Variants in SRGAP3 observed in about 807,000 individuals in gnomAD.
SRGAP3 encodes the protein SLIT-ROBO Rho GTPase activating protein 3, also known as SLIT-ROBO Rho GTPase-activating protein 3.
Under a neutral mutation model 121.1 loss-of-function variants are expected in SRGAP3, and 39 were observed. The ratio of observed to expected loss-of-function variants is 0.32; its 90% CI spans 0.25 to 0.42. SRGAP3 has a LOEUF of 0.42. SRGAP3 is among the 10% of genes least tolerant of loss of function. The probability of loss-of-function intolerance (pLI) is 1.00; values close to 1 mark genes in which losing one functional copy is unlikely to be tolerated. For missense variants in SRGAP3, 1,213 were observed against 1,470.6 expected (o/e 0.82, Z 2.86); for synonymous variants, 601 against 570.0 (o/e 1.05, Z -0.77).
intron 9 of SRGAP3, chr3:9,049,354 G>A (rs1945444364): frequency 2.2e-6 from 1 of 455,788 alleles, no homozygotes; most frequent in Admixed American, 2.4e-5. Context: ...TGGCCTATTG[G>A]CCATTAAGAG....
chr3:9,080,061 G>A lies in SRGAP3; in HGVS notation c.450C>T (p.His150=), dbSNP rs758077845. 9.9e-6 allele frequency: 16 copies of A among 1,613,656 alleles called. No homozygotes were observed. Among genetic ancestry groups the A allele is most frequent in the Admixed American group, 1.7e-5 (1 of 59,978 alleles). ...CATTGGTCACCTTCAGGAGCTCCTC[G>A]TGCATCTGCAGGCCAATCTCCTTGC... ...KKSKEIGLQM[H]EELLKVTNEL... The change falls in exon 4 of 22, where the codon CAC becomes CAT. Residue 150 remains histidine (H), a synonymous_variant. Coordinates refer to ENST00000383836, the MANE Select transcript of SRGAP3 (RefSeq NM_014850.4).
intron 13 of SRGAP3, among the ~76,000 whole-genome samples, chr3:9,026,662 C>A (rs996278649): frequency 1.8e-4 from 28 of 152,200 alleles, no homozygotes; most frequent in African/African-American, 6.5e-4. Flanking sequence ...GTGCTCAAAG[C>A]ACAGAGCTAT....
At chr3:9,075,374 A>AGTGTGTGTGTGT (rs3067610) in intron 4 of SRGAP3, among the ~76,000 whole-genome samples, 1 of 145,130 alleles carries the variant, frequency 6.9e-6, no homozygotes, top group African/African-American at 2.7e-5. Context: ...CATGTATGCA[A>AGTGTGTGTGTGT]GTGTGTGTGT....
chr3:9,209,531 T>C lies in SRGAP3; in HGVS notation c.67+39354A>G, dbSNP rs537674399. 2.6e-5 allele frequency among the ~76,000 whole-genome samples: 4 copies of C among 152,336 alleles called. No homozygotes were observed. In the East Asian group the frequency reaches 7.7e-4, roughly 29 times the overall value. ...CAAGTGTGTGAGGACAGTGGTGGCA[T>C]AAATTAGGGGCAACTTCTCTTAGAA... On this transcript the variant is annotated intron_variant, in intron 1 of 21. Transcript: ENST00000383836.
At chr3:9,022,337 C>CTAAA (rs909167368) in intron 14 of SRGAP3, among the ~76,000 whole-genome samples, 1 of 151,868 alleles carries the variant, frequency 6.6e-6, no homozygotes, top group Non-Finnish European at 1.5e-5. Context: ...AACTAACTAA[C>CTAAA]TAAATAAATA....
chr3:9,272,793 A>C (rs756305157), intron 3 of SRGAP3, among the ~76,000 whole-genome samples: 1 of 118,378 alleles, frequency 8.4e-6, no homozygotes, highest in African/African-American at 2.9e-5. Flanking sequence ...TGGATCATAT[A>C]ATAATTCTGT....
intron 1 of SRGAP3, among the ~76,000 whole-genome samples, chr3:9,181,442 T>G (rs1170873745): frequency 6.6e-6 from 1 of 151,888 alleles, no homozygotes; most frequent in Non-Finnish European, 1.5e-5. Flanking sequence ...ACTCAGGGGG[T>G]TTTTTGCTTA....
intron 9 of SRGAP3, among the ~76,000 whole-genome samples, chr3:9,051,747 T>C (rs774852980): frequency 5.3e-5 from 7 of 132,668 alleles, no homozygotes; most frequent in Non-Finnish European, 7.7e-5. Context: ...GAAGTCTCGC[T>C]CTGTCACCCA....
chr3:9,353,631 T>G (rs1000725664), intron 1 of SRGAP3, among the ~76,000 whole-genome samples: 2 of 152,266 alleles, frequency 1.3e-5, no homozygotes, highest in Non-Finnish European at 2.9e-5. Context: ...AGCCTCTGCT[T>G]GCTTAGAGCA....
At position 9,053,236 on chromosome 3, in the gene SRGAP3, C is replaced by T. The variant is rs1253383532; in HGVS notation, c.1126-12G>A. The T allele has an allele frequency of 4.3e-6, 7 of 1,611,938 alleles. No individual in the cohort carries two copies. The highest frequency in any genetic ancestry group is 5.1e-6 in the Non-Finnish European group (6 of 1,178,970). ...AGGGTTTTCCTAACCTGGGGAAACA[C>T]AGCAGATTGACAAAAATCCTGTATT... On this transcript the variant is annotated splice_polypyrimidine_tract_variant and intron_variant, in intron 8 of 21. Coordinates refer to ENST00000383836, the MANE Select transcript of SRGAP3 (RefSeq NM_014850.4).
At chr3:9,051,240 G>A (rs1285388474) in intron 9 of SRGAP3, among the ~76,000 whole-genome samples, 5 of 151,912 alleles carry the variant, frequency 3.3e-5, no homozygotes, top group African/African-American at 1.2e-4. Context: ...CAAACTCCTG[G>A]GCTAAAGGGA....
intron 1 of SRGAP3, among the ~76,000 whole-genome samples, chr3:9,341,104 A>G (rs1487229245): frequency 1.3e-5 from 2 of 152,196 alleles, no homozygotes; most frequent in Non-Finnish European, 2.9e-5. Flanking sequence ...CCAGAGTCCT[A>G]TGTGATTAGG....
chr3:9,294,219 G>A (rs1420882144), intron 3 of SRGAP3, among the ~76,000 whole-genome samples: 1 of 152,182 alleles, frequency 6.6e-6, no homozygotes, highest in East Asian at 1.9e-4. Context: ...CATGTCCTTT[G>A]CAGGGACATG....
chr3:9,047,067 C>T (rs1325433099), intron 10 of SRGAP3, among the ~76,000 whole-genome samples: 3 of 152,144 alleles, frequency 2.0e-5, no homozygotes, highest in Admixed American at 6.5e-5. Flanking sequence ...CTCCTGACCT[C>T]GTGATCCGCC....
chr3:8,989,334 T>C (rs1407563090), intron 21 of SRGAP3, among the ~76,000 whole-genome samples: 1 of 152,180 alleles, frequency 6.6e-6, no homozygotes, highest in Non-Finnish European at 1.5e-5. Context: ...CGGAAGGCAC[T>C]GATCTTCAGG....
intron 1 of SRGAP3, among the ~76,000 whole-genome samples, chr3:9,157,377 C>G (rs1427088134): frequency 6.6e-6 from 1 of 152,150 alleles, no homozygotes; most frequent in African/African-American, 2.4e-5. Flanking sequence ...CCCACCAGGT[C>G]CCCCTCCAAC....
At chr3:9,199,869 T>C (rs1952020819) in intron 1 of SRGAP3, among the ~76,000 whole-genome samples, 2 of 152,186 alleles carry the variant, frequency 1.3e-5, no homozygotes, top group South Asian at 4.1e-4. Flanking sequence ...CCCCTGGAAA[T>C]GTGCCATTGA....
chr3:9,348,407 G>A (rs754660538), intron 1 of SRGAP3: 22 of 574,346 alleles, frequency 3.8e-5, no homozygotes, highest in Non-Finnish European at 5.4e-5. Flanking sequence ...CAGAATCCGC[G>A]AACCCCAGTC....
intron 14 of SRGAP3, among the ~76,000 whole-genome samples, chr3:9,016,995 T>A (rs989428973): frequency 2.0e-5 from 3 of 152,244 alleles, no homozygotes; most frequent in African/African-American, 4.8e-5. Context: ...GTCCTTTTAA[T>A]GTGACCTCCA....
Sources: allele counts gnomAD v4.1 joint callset (sites outside exome capture counted in the v4.1 genomes callset), GRCh38; gene constraint gnomAD v4.1.1; transcripts MANE v1.5; gene names NCBI Gene and HGNC (gene_info 2026-07-23, HGNC 2026-07-21).